Variants in IPP observed in about 807,000 individuals in gnomAD.
IPP encodes actin-binding protein IPP.
Under a neutral mutation model 64.1 loss-of-function variants are expected in IPP, and 41 were observed. The observed-to-expected ratio is 0.64, with a 90% CI of 0.50 to 0.83. The LOEUF (loss-of-function observed/expected upper bound fraction) is 0.83, where lower values mean the gene tolerates loss of function less well. IPP is among the 40% of genes least tolerant of loss of function. The pLI is 0.00. For synonymous variants in IPP, 214 were observed against 235.2 expected (o/e 0.91, Z 0.83); for missense variants, 649 against 703.0 (o/e 0.92, Z 0.87).
At position 45,714,374 on chromosome 1, in the gene IPP, G is replaced by A; in HGVS notation, c.1402C>T (p.Leu468Phe). 1.2e-6 allele frequency: 2 copies of A among 1,613,916 alleles called. No homozygotes were observed. Among genetic ancestry groups the A allele is most frequent in the Non-Finnish European group, 1.7e-6 (2 of 1,179,742 alleles). Residue 468 changes from leucine (L) to phenylalanine (F), a missense_variant, in exon 8 of 9, where the codon CTT becomes TTT. Transcript: ENST00000396478. Reference protein sequence around the residue: ...YDPLSKRWSPLPPMGTRRAYL... With the variant: ...YDPLSKRWSPFPPMGTRRAYL... ...GCTCTCCTGGTTCCCATTGGAGGAA[G>A]TGGAGACCAACGCTTAGAAAGTGGA...
chr1:45,739,315 C>T (rs554242478), intron 3 of IPP, among the ~76,000 whole-genome samples: 57 of 151,974 alleles, frequency 3.8e-4, no homozygotes, highest in African/African-American at 1.3e-3. Context: ...CTCAATGTAG[C>T]CTTGACCTCC....
chr1:45,705,114 C>G (rs914545584), intron 8 of IPP, among the ~76,000 whole-genome samples: 3 of 152,248 alleles, frequency 2.0e-5, no homozygotes, highest in Non-Finnish European at 4.4e-5. Context: ...TCTTCTACCA[C>G]CAGCTTGCTC....
chr1:45,741,235 C>A lies in IPP; in HGVS notation c.390G>T (p.Leu130=). 6.2e-7 allele frequency: 1 copy of A among 1,614,144 alleles called. No individual in the cohort carries two copies. The part of the protein sequence containing the change: ...TEVVHLCCEF[L]KGQIDPLNCI... ...AGTTCAGTGGATCAATTTGTCCTTT[C>A]AGAAATTCACAGCAAAGATGAACAA... Residue 130 remains leucine (L), a synonymous_variant, in exon 3 of 9, where the codon CTG becomes CTT. Transcript: ENST00000396478.
chr1:45,741,469 G>T (rs1198129171), intron 2 of IPP, 137 bp from the exon 3 acceptor site: 3 of 616,286 alleles, frequency 4.9e-6, no homozygotes, highest in Non-Finnish European at 5.5e-6. Flanking sequence ...GGCAATCAAG[G>T]ATTTGAGTAA....
In IPP at chr1:45,699,583, A is replaced by G; in HGVS notation, c.*383T>C. The stretch of plus-strand genomic sequence containing the variant: ...CATTTCTATTATTAGTAAACCTGGC[A>G]AATCTGTGTGAGCTCTTTATTAATT... On this transcript the variant is annotated 3_prime_UTR_variant, in exon 9 of 9. Coordinates refer to ENST00000396478, the MANE Select transcript of IPP (RefSeq NM_005897.3). The G allele has an allele frequency of 1.0e-6, 1 of 993,138 alleles. No individual in the cohort carries two copies. Among genetic ancestry groups the G allele is most frequent in the Non-Finnish European group, 1.2e-6 (1 of 834,070 alleles). The allele number at this position is 993,138 out of a possible 1,614,324, so 61.5% of individuals were successfully genotyped here.
chr1:45,714,325 T>C lies in IPP; in HGVS notation c.1451A>G (p.Asn484Ser), dbSNP rs201907976. ...RRAYLGVAAL[N>S]DCIYSVGGWN... is the part of the protein sequence containing the mutation. The stretch of plus-strand genomic sequence containing the variant: ...TCCTCCAACAGAATAGATGCAGTCA[T>C]TGAGTGCAGCCACACCAAGATATGC... Residue 484 changes from asparagine (N) to serine (S), a missense_variant, in exon 8 of 9, where the codon AAT (asparagine) becomes AGT (serine). Coordinates refer to ENST00000396478, the MANE Select transcript of IPP (RefSeq NM_005897.3). 6.8e-6 allele frequency: 11 copies of C among 1,613,988 alleles called. No individual in the cohort carries two copies. The highest frequency in any genetic ancestry group is 1.6e-4 in the Middle Eastern group (1 of 6,062).
intron 3 of IPP, among the ~76,000 whole-genome samples, chr1:45,732,369 A>AAAAAC (rs1645921120): frequency 1.3e-5 from 2 of 150,176 alleles, no homozygotes; most frequent in Non-Finnish European, 3.0e-5. Flanking sequence ...CTCAAAAAAA[A>AAAAAC]AAAAAAAAAA....
chr1:45,712,865 G>GAA (rs1185686636), intron 8 of IPP, among the ~76,000 whole-genome samples: 32 of 120,880 alleles, frequency 2.6e-4, no homozygotes, highest in African/African-American at 8.9e-4. Context: ...AAAAAAAAAA[G>GAA]AAAAAAAAAA....
chr1:45,717,042 G>A, intron 6 of IPP, 25 bp from the exon 7 acceptor site: 1 of 1,607,500 alleles, frequency 6.2e-7, no homozygotes, highest in Non-Finnish European at 8.5e-7. Context: ...AAAAATGTTT[G>A]TTTCCGGGAT....
intron 5 of IPP, among the ~76,000 whole-genome samples, chr1:45,724,139 G>A (rs979505038): frequency 1.3e-5 from 2 of 152,078 alleles, no homozygotes; most frequent in Admixed American, 6.6e-5. Flanking sequence ...GCGCCGCCAC[G>A]CCTGACTGGT....
chr1:45,730,489 A>G (rs1395950240), intron 3 of IPP, among the ~76,000 whole-genome samples: 1 of 152,264 alleles, frequency 6.6e-6, no homozygotes, highest in African/African-American at 2.4e-5. Context: ...ATATAAAATT[A>G]TGTCATTAAC....
intron 8 of IPP, among the ~76,000 whole-genome samples, chr1:45,701,919 T>G (rs1408700462): frequency 1.3e-5 from 2 of 152,170 alleles, no homozygotes; most frequent in African/African-American, 4.8e-5. Flanking sequence ...TATGAAATAC[T>G]AAACCAGGGA....
At chr1:45,709,675 A>G (rs1230796836) in intron 8 of IPP, among the ~76,000 whole-genome samples, 1 of 137,426 alleles carries the variant, frequency 7.3e-6, no homozygotes, top group Non-Finnish European at 1.6e-5. Flanking sequence ...AAATACAAAA[A>G]AATTAGCTGG....
At chr1:45,734,050 A>C (rs972992876) in intron 3 of IPP, among the ~76,000 whole-genome samples, 1 of 152,168 alleles carries the variant, frequency 6.6e-6, no homozygotes, top group Non-Finnish European at 1.5e-5. Context: ...AGAACATCAA[A>C]TCCATTTAAA....
chr1:45,718,178 G>A (rs892486647), intron 6 of IPP, among the ~76,000 whole-genome samples: 1 of 152,086 alleles, frequency 6.6e-6, no homozygotes, highest in African/African-American at 2.4e-5. Context: ...TAATTTTTTG[G>A]TATGTGCTTT....
At chr1:45,736,900 G>T (rs796627488) in intron 3 of IPP, among the ~76,000 whole-genome samples, 1 of 151,792 alleles carries the variant, frequency 6.6e-6, no homozygotes, top group Non-Finnish European at 1.5e-5. Context: ...AAAATTAGCC[G>T]GGCGTGGTGG....
At chr1:45,707,414 C>A (rs1645525836) in intron 8 of IPP, among the ~76,000 whole-genome samples, 1 of 115,512 alleles carries the variant, frequency 8.7e-6, no homozygotes, top group African/African-American at 3.2e-5. Context: ...CAGAGCAAGA[C>A]TCCATATCAA....
intron 5 of IPP, among the ~76,000 whole-genome samples, chr1:45,724,427 T>C (rs952396978): frequency 2.0e-5 from 3 of 151,838 alleles, no homozygotes; most frequent in African/African-American, 7.3e-5. Flanking sequence ...GGAGCGTCTC[T>C]GCCTGGCCGC....
At chr1:45,744,103 T>C (rs1646102695) in intron 2 of IPP, among the ~76,000 whole-genome samples, 1 of 152,066 alleles carries the variant, frequency 6.6e-6, no homozygotes, top group South Asian at 2.1e-4. Flanking sequence ...TATTTTTCCA[T>C]ACACAGACAT....
Sources: gnomAD v4.1 joint callset for allele counts (sites outside exome capture counted in the v4.1 genomes callset) on GRCh38, gnomAD v4.1.1 for gene constraint, MANE v1.5 for transcripts, NCBI Gene and HGNC (gene_info 2026-07-23, HGNC 2026-07-21) for gene names.